PLEC: variants seen among roughly 807,000 people sequenced by gnomAD.
The protein encoded by PLEC is hemidesmosomal protein 1.
A neutral mutation model predicts 392.8 loss-of-function variants in PLEC; 216 were observed. That is an observed-to-expected ratio of 0.55 (90% confidence interval 0.49 to 0.62). The LOEUF (loss-of-function observed/expected upper bound fraction) is 0.62, where lower values mean the gene tolerates loss of function less well. PLEC is among the 20% of genes least tolerant of loss of function. The probability of loss-of-function intolerance (pLI) is 0.00; values close to 1 mark genes in which losing one functional copy is unlikely to be tolerated. For missense variants in PLEC, 6,863 were observed against 6,563.4 expected, an observed-to-expected ratio of 1.05 and a Z score of -1.58; for synonymous variants, 3,621 against 2,980.6, an observed-to-expected ratio of 1.21 and a Z score of -7.00.
Position 143,918,240 on chromosome 8 carries a change from G to C in PLEC, c.11581C>G (p.Leu3861Val). The C allele has an allele frequency of 1.3e-6, 2 of 1,589,434 alleles. No homozygotes were observed. Among genetic ancestry groups the C allele is most frequent in the Non-Finnish European group, 8.5e-7 (1 of 1,174,858 alleles). ...TDERLSYTQL[L>V]RRCRRDDGTG... is the part of the protein sequence containing the mutation. ...CCGTCGTCACGACGGCACCGCCTGAGCAGCTGCGTGTAGCTGAGGCGCTCG... is the reference window on the plus strand; with the variant it reads ...CCGTCGTCACGACGGCACCGCCTGACCAGCTGCGTGTAGCTGAGGCGCTCG... The change falls in exon 32 of 32, where the codon CTC becomes GTC. Residue 3861 changes from leucine (L) to valine (V), a missense_variant. Physicochemically the swap from Leu to Val is conservative, Grantham distance 32 (BLOSUM62 1). Transcript: ENST00000345136.
chr8:143,963,087 C>G (rs761755905), intron 1 of PLEC, among the ~76,000 whole-genome samples: 2 of 152,246 alleles, frequency 1.3e-5, no homozygotes, highest in East Asian at 3.9e-4. Flanking sequence ...CCGAGTGAAC[C>G]CTTCTCTCTA....
At position 143,925,125 on chromosome 8, in the gene PLEC, C is replaced by A; in HGVS notation, c.4804G>T (p.Ala1602Ser). 1 of 1,558,208 alleles carries A rather than the reference C, an allele frequency of 6.4e-7. No individual in the cohort carries two copies. The highest frequency in any genetic ancestry group is 8.6e-7 in the Non-Finnish European group (1 of 1,159,906). The change falls in exon 31 of 32, where the codon GCT (alanine) becomes TCT (serine). Residue 1602 changes from alanine (A) to serine (S), a missense_variant. Ala to Ser is a moderately conservative substitution (Grantham distance 99). Transcript: ENST00000345136. Reference sequence around the variant, plus strand: ...GCCTCCTCCCGCAGCTGTGCCACAGCCACGTGTTCCTCCTGCAGGGAGCGC... The same window carrying A: ...GCCTCCTCCCGCAGCTGTGCCACAGACACGTGTTCCTCCTGCAGGGAGCGC... ...LERSLQEEHV[A>S]VAQLREEAER...
At chr8:143,950,694 T>C (rs1486993876) in exon 1 of PLEC, 10 of 1,565,768 alleles carry the variant, frequency 6.4e-6, no homozygotes, top group Non-Finnish European at 7.7e-6. Context: ...GGCATGAGCA[T>C]GCCGGCCACC....
intron 1 of PLEC, among the ~76,000 whole-genome samples, chr8:143,963,484 C>T (rs370629761): frequency 6.6e-6 from 1 of 152,178 alleles, no homozygotes; most frequent in Non-Finnish European, 1.5e-5. Flanking sequence ...TATATTTCTC[C>T]CTTTGGGAAT....
Position 143,924,328 on chromosome 8 carries a change from C to T in PLEC, c.5601G>A (p.Arg1867=). 1 of 1,596,572 alleles carries T rather than the reference C, an allele frequency of 6.3e-7. No homozygotes were observed. The highest frequency in any genetic ancestry group is 1.1e-5 in the South Asian group (1 of 90,834). ...GGAAGGCCTCGTCCTCCGCCAGCCG[C>T]CGCAGGCGCTCGTTCTCCGCCTCCT... ...KEKEAENERL[R]RLAEDEAFQR... is the part of the protein sequence containing the mutation. The change falls in exon 31 of 32, where the codon CGG becomes CGA. Residue 1867 remains arginine, a synonymous_variant. Transcript: ENST00000345136.
chr8:143,920,071 C>T lies in PLEC; in HGVS notation c.9750G>A (p.Thr3250=), dbSNP rs200774407. Residue 3250 remains threonine, a synonymous_variant, in exon 32 of 32, where the codon ACG becomes ACA. Transcript: ENST00000345136. ...AGCTGATGAGCTCCCACACCGTCAC[C>T]GTCCTGCCCTTGAAGCCACCCACGG... ...EVPVGGFKGR[T]VTVWELISSE... 6.8e-5 allele frequency: 109 copies of T among 1,613,286 alleles called. No homozygotes were observed. The highest frequency in any genetic ancestry group is 6.3e-4 in the African/African-American group (47 of 75,070).
chr8:143,932,264 G>A (rs782589793), intron 16 of PLEC, 30 bp from the exon 17 acceptor site: 50 of 1,609,666 alleles, frequency 3.1e-5, no homozygotes, highest in Non-Finnish European at 3.8e-5. Context: ...TCTCAGGGAC[G>A]GCCGGCCACA....
At chr8:143,973,794 G>A (rs1362202701), upstream of PLEC, among the ~76,000 whole-genome samples, 1 of 151,698 alleles carries the variant, frequency 6.6e-6, no homozygotes, top group Non-Finnish European at 1.5e-5. This position sits in a 1 kb window ranked among gnomAD's most constrained non-coding sequence, Gnocchi z 5.6. Flanking sequence ...AGGGGCGGCC[G>A]CGACCTGTCT....
intron 1 of PLEC, among the ~76,000 whole-genome samples, chr8:143,964,524 AAC>A: frequency 6.6e-6 from 1 of 152,198 alleles, no homozygotes; most frequent in South Asian, 2.1e-4. Flanking sequence ...AGAGGCCAGG[AAC>A]AGAGTCCGCC....
rs1822382138 is a variant in PLEC, at chr8:143,920,834, A to G, written c.8987T>C (p.Leu2996Pro). Residue 2996 changes from leucine (L) to proline (P), a missense_variant, in exon 32 of 32, where the codon CTC becomes CCC. Transcript: ENST00000345136. ...LLESRVIDRE[L>P]YQQLQRGERS... ...CTCACCTCGCTGCAGCTGCTGGTAG[A>G]GCTCGCGGTCGATGACCCTGCTCTC... 1 of 1,608,562 alleles carries G rather than the reference A, an allele frequency of 6.2e-7. No individual in the cohort carries two copies. Among genetic ancestry groups the G allele is most frequent in the Non-Finnish European group, 8.5e-7 (1 of 1,179,930 alleles).
rs200543521 is a variant in PLEC at position 143,924,327 on chromosome 8, G to A, written c.5602C>T (p.Arg1868Trp). Residue 1868 changes from arginine to tryptophan, a missense_variant, in exon 31 of 32, where the codon CGG (arginine) becomes TGG (tryptophan). Transcript: ENST00000345136. ...EKEAENERLR[R>W]LAEDEAFQRR... ...TGGAAGGCCTCGTCCTCCGCCAGCC[G>A]CCGCAGGCGCTCGTTCTCCGCCTCC... 9.6e-4 allele frequency: 1,532 copies of A among 1,595,946 alleles called. 4 individuals carry two copies. The highest frequency in any genetic ancestry group is 1.1e-3 in the Non-Finnish European group (1,335 of 1,178,366).
chr8:143,944,375 G>A (rs975151450), upstream of PLEC, among the ~76,000 whole-genome samples: 1 of 152,230 alleles, frequency 6.6e-6, no homozygotes, highest in Non-Finnish European at 1.5e-5. Flanking sequence ...TCTGGGGACA[G>A]CTGGCAGGCA....
chr8:143,975,656 T>C (rs188253209), upstream of PLEC, among the ~76,000 whole-genome samples: 13 of 150,154 alleles, frequency 8.7e-5, no homozygotes, highest in Non-Finnish European at 1.6e-4. The surrounding 1 kb of genome is among the most constrained non-coding windows in gnomAD (Gnocchi z 9.9). Context: ...CCACTGGCCT[T>C]ACCCTCCAGT....
rs1422027835 is a variant in PLEC at position 143,939,403 on chromosome 8, C to G, written c.59G>C (p.Ser20Thr). Reference sequence around the variant, plus strand: ...AGCCAGGTACAGGTTGTCCTCCGAGCTGGTTCTCTTTCGGCCCAGGCCCTC... The same window carrying G: ...AGCCAGGTACAGGTTGTCCTCCGAGGTGGTTCTCTTTCGGCCCAGGCCCTC... ...QPEGLGRKRT[S>T]SEDNLYLAVL... is the part of the protein sequence containing the mutation. The change falls in exon 1 of 32, where the codon AGC becomes ACC. Residue 20 changes from serine (S) to threonine (T), a missense_variant. Physicochemically the swap from Ser to Thr is moderately conservative, Grantham distance 58 (BLOSUM62 1). Transcript: ENST00000345136. The G allele has an allele frequency of 6.2e-7, 1 of 1,612,694 alleles. No individual in the cohort carries two copies. Among genetic ancestry groups the G allele is most frequent in the African/African-American group, 1.3e-5 (1 of 74,928 alleles).
chr8:143,938,271 G>A, intron 2 of PLEC, 31 bp from the exon 3 acceptor site: 1 of 1,562,964 alleles, frequency 6.4e-7, no homozygotes, highest in Non-Finnish European at 8.7e-7. Flanking sequence ...GAGGTGGCCA[G>A]TCCCCCAGAG....
rs868913469 is a variant in PLEC, at chr8:143,973,418, G to A, written c.55C>T (p.Arg19Cys). ...GGGGCCGTACCTTTGTACTTCTCGC[G>A]CACCTCCTCGTAGGCCTGGATGAAG... The change falls in exon 1 of 32, where the codon CGC (arginine) becomes TGC (cysteine). Residue 19 changes from arginine to cysteine, a missense_variant. By Grantham distance (180) the Arg-to-Cys change is radical. Coordinates refer to the PLEC transcript ENST00000356346. The surrounding 1 kb of genome is among the most constrained non-coding windows in gnomAD (Gnocchi z 5.6). 1.9e-6 allele frequency: 3 copies of A among 1,553,144 alleles called. No individual in the cohort carries two copies. Among genetic ancestry groups the A allele is most frequent in the African/African-American group, 1.4e-5 (1 of 71,844 alleles).
Position 143,929,301 on chromosome 8 carries a change from G to A in PLEC, c.3082-20C>T, listed in dbSNP as rs1487757166. The A allele has an allele frequency of 1.3e-6, 2 of 1,597,860 alleles. No individual in the cohort carries two copies. The highest frequency in any genetic ancestry group is 3.3e-5 in the Admixed American group (2 of 59,754). On this transcript the variant is annotated intron_variant, in intron 24 of 31. Coordinates refer to ENST00000345136, the MANE Select transcript of PLEC (RefSeq NM_201384.3). The stretch of plus-strand genomic sequence containing the variant: ...TGCCTTCTGCAAAGACAGGGAGTGG[G>A]AACGCACTCATCACCGAGCGCAGCA...
intron 1 of PLEC, among the ~76,000 whole-genome samples, chr8:143,959,506 G>A (rs1386832525): frequency 2.0e-5 from 3 of 152,222 alleles, no homozygotes; most frequent in African/African-American, 7.2e-5. Context: ...AACCTGACGC[G>A]GCCGCAGTTC....
At chr8:143,971,060 C>G (rs782113344) in intron 1 of PLEC, among the ~76,000 whole-genome samples, 5 of 152,194 alleles carry the variant, frequency 3.3e-5, no homozygotes, top group Non-Finnish European at 5.9e-5. Context: ...CCAAGCGGAG[C>G]AGTGGCCGCC....
Sources: allele counts gnomAD v4.1 joint callset (sites outside exome capture counted in the v4.1 genomes callset), GRCh38; gene constraint gnomAD v4.1.1; non-coding constraint Gnocchi (gnomAD v3.1); transcripts MANE v1.5; gene names NCBI Gene and HGNC (gene_info 2026-07-23, HGNC 2026-07-21).